HMCN2: variants seen among roughly 807,000 people sequenced by gnomAD.
HMCN2 encodes the protein hemicentin-2.
A neutral mutation model predicts 377.5 loss-of-function variants in HMCN2; 325 were observed. That is an observed-to-expected ratio of 0.86 (90% confidence interval 0.79 to 0.94). HMCN2 has a LOEUF of 0.94. Ranked by LOEUF, HMCN2 falls within the 40% of genes least tolerant of loss-of-function variation. The pLI is 0.00. For missense variants in HMCN2, 4,543 were observed against 4,725.3 expected (o/e 0.96, Z 1.13); for synonymous variants, 2,007 against 2,046.8 (o/e 0.98, Z 0.53).
Position 130,414,377 on chromosome 9 carries a change from G to A in HMCN2, c.12961+3725G>A, listed in dbSNP as rs898752819. Among the ~76,000 whole-genome samples the A allele has an allele frequency of 1.3e-5, 2 of 152,306 alleles. No individual in the cohort carries two copies. Among genetic ancestry groups the A allele is most frequent in the Middle Eastern group, 6.8e-3 (2 of 294 alleles). On this transcript the variant is annotated intron_variant, in intron 85 of 97. Coordinates refer to ENST00000683500, the MANE Select transcript of HMCN2 (RefSeq NM_001291815.2). The surrounding 1 kb of genome is among the most constrained non-coding windows in gnomAD (Gnocchi z 4.4). ...ACCATGGAAGCCTCATAGGGAACCT[G>A]GGCTTCCACGCTGACCTGGCGGAAG...
At chr9:130,363,425 G>C (rs1233425629) in intron 40 of HMCN2, among the ~76,000 whole-genome samples, 1 of 152,102 alleles carries the variant, frequency 6.6e-6, no homozygotes. Flanking sequence ...GGTCACCATG[G>C]GGACTCACTA....
rs559326500 is a variant in HMCN2 at position 130,401,915 on chromosome 9, A to G, written c.11771-874A>G. 3.9e-5 allele frequency among the ~76,000 whole-genome samples: 6 copies of G among 152,132 alleles called. No individual in the cohort carries two copies. In the East Asian group the frequency reaches 1.2e-3, roughly 29 times the overall value. ...ACAGCAAGACCCCATGTCTACAAAC[A>G]CATTTTTAAAAATTAGCTGGGTGCG... On this transcript the variant is annotated intron_variant, in intron 77 of 97. Coordinates refer to ENST00000683500, the MANE Select transcript of HMCN2 (RefSeq NM_001291815.2).
In HMCN2 at chr9:130,339,629, G is replaced by A. The variant is rs1806443281; in HGVS notation, c.3488-1482G>A. Among the ~76,000 whole-genome samples the A allele has an allele frequency of 1.3e-5, 2 of 152,210 alleles. 1 individual carries two copies. Among genetic ancestry groups the A allele is most frequent in the South Asian group, 4.1e-4 (2 of 4,836 alleles). On this transcript the variant is annotated intron_variant, in intron 23 of 97. Transcript: ENST00000683500. ...TTGCTTTCCTCCTCTATAAAGTGAG[G>A]CCACAATAAAGCCCATCCCATTGTG...
chr9:130,295,261 G>A (rs946670009), intron 5 of HMCN2, among the ~76,000 whole-genome samples: 9 of 152,092 alleles, frequency 5.9e-5, no homozygotes, highest in African/African-American at 1.9e-4. Context: ...TCCCTGCATC[G>A]TGAGACTCTC....
chr9:130,402,782 C>T lies in HMCN2; in HGVS notation c.11771-7C>T, dbSNP rs1385700940. 2 of 1,289,374 alleles carry T rather than the reference C, an allele frequency of 1.6e-6. No homozygotes were observed. Among genetic ancestry groups the T allele is most frequent in the East Asian group, 5.6e-5 (1 of 18,016 alleles). 79.9% of individuals were successfully genotyped at this position (1,289,374 alleles called of 1,614,324 possible). ...CCTGATCCCCTCACCCTGATTCCCA[C>T]CAACAGGCGCCCTGGAGATCGGGCA... On this transcript the variant is annotated splice_polypyrimidine_tract_variant and splice_region_variant and intron_variant, in intron 77 of 97. Transcript: ENST00000683500.
chr9:130,312,570 T>C (rs1469567119), intron 15 of HMCN2, among the ~76,000 whole-genome samples: 1 of 79,234 alleles, frequency 1.3e-5, no homozygotes, highest in Non-Finnish European at 2.5e-5. Context: ...CTTTCTTTCT[T>C]TCTTTCTTTC....
chr9:130,423,992 CTTTTT>C lies in HMCN2; in HGVS notation c.13382-783_13382-779del, dbSNP rs930564788. 6.8e-6 allele frequency among the ~76,000 whole-genome samples: 1 copy of C among 147,488 alleles called. No individual in the cohort carries two copies. The highest frequency in any genetic ancestry group is 1.5e-5 in the Non-Finnish European group (1 of 66,750). On this transcript the variant is annotated intron_variant, in intron 87 of 97. Coordinates refer to ENST00000683500, the MANE Select transcript of HMCN2 (RefSeq NM_001291815.2). The surrounding 1 kb of genome is among the most constrained non-coding windows in gnomAD (Gnocchi z 5.5). ...TGCATTTATTTCTTCTTTTTTTTTTCTTTTTGAGACTGCTTCTCGCTTTGTTGCCC... is the reference window on the plus strand; with the variant it reads ...TGCATTTATTTCTTCTTTTTTTTTTCGAGACTGCTTCTCGCTTTGTTGCCC...
intron 22 of HMCN2, among the ~76,000 whole-genome samples, chr9:130,330,508 C>T (rs1456412941): frequency 1.3e-5 from 2 of 152,110 alleles, no homozygotes; most frequent in Non-Finnish European, 1.5e-5. Context: ...GGGCTGGGTC[C>T]CAACATGCAC....
intron 1 of HMCN2, among the ~76,000 whole-genome samples, chr9:130,273,964 A>G (rs1398532031): frequency 1.3e-5 from 2 of 152,198 alleles, no homozygotes; most frequent in African/African-American, 4.8e-5. Context: ...CCAAACAGGG[A>G]TGGGTGTTGA....
At chr9:130,413,608 A>T (rs1013829893) in intron 85 of HMCN2, among the ~76,000 whole-genome samples, 1 of 152,176 alleles carries the variant, frequency 6.6e-6, no homozygotes, top group Non-Finnish European at 1.5e-5. Context: ...TAGACTACCG[A>T]TCTTGGGACC....
chr9:130,312,640 T>TCCTC (rs1219017751), intron 15 of HMCN2, among the ~76,000 whole-genome samples: 3 of 111,616 alleles, frequency 2.7e-5, no homozygotes, highest in South Asian at 3.6e-4. Flanking sequence ...TTCTTTCCCT[T>TCCTC]CCTCCCTCCC....
chr9:130,411,224 AC>A (rs77345844), intron 85 of HMCN2, among the ~76,000 whole-genome samples: 2,635 of 149,806 alleles, frequency 0.018, 80 homozygotes, highest in African/African-American at 0.058. Context: ...AAAAAAAAAA[AC>A]AACAAACTTT....
At chr9:130,388,225 C>T (rs1358333214) in intron 61 of HMCN2, among the ~76,000 whole-genome samples, 184 bp from the exon 62 acceptor site, 2 of 152,198 alleles carry the variant, frequency 1.3e-5, no homozygotes, top group Admixed American at 6.5e-5. Context: ...GGAGACCCCG[C>T]TGGAGCTTTG....
chr9:130,396,796 CA>C (rs1564853412), intron 73 of HMCN2, among the ~76,000 whole-genome samples: 1 of 152,170 alleles, frequency 6.6e-6, no homozygotes, highest in African/African-American at 2.4e-5. Context: ...CAACTGTGGC[CA>C]GGGGCGGGAT....
chr9:130,419,680 C>T (rs1358710252), intron 86 of HMCN2: 1 of 146,270 alleles, frequency 6.8e-6, no homozygotes, highest in African/African-American at 2.8e-5. Context: ...ACCTGGCAGA[C>T]ATCACTAATC....
At chr9:130,392,584 G>A (rs902655898) in intron 66 of HMCN2, among the ~76,000 whole-genome samples, 3 of 152,168 alleles carry the variant, frequency 2.0e-5, no homozygotes, top group African/African-American at 4.8e-5. Flanking sequence ...CATATGGGAC[G>A]TGGAGCTTCC....
At position 130,424,843 on chromosome 9, in the gene HMCN2, G is replaced by A. The variant is rs1844233673; in HGVS notation, c.13449G>A (p.Gly4483=). ...PIYWALARES[G]EALNGHSLTG... ...ACTGGGCCCTGGCCAGAGAGAGTGG[G>A]GAAGCCCTGAATGGCCACTCTCTGA... Residue 4483 remains glycine, a synonymous_variant, in exon 88 of 98, where the codon GGG becomes GGA. Coordinates refer to ENST00000683500, the MANE Select transcript of HMCN2 (RefSeq NM_001291815.2). 3.3e-6 allele frequency: 5 copies of A among 1,503,722 alleles called. No individual in the cohort carries two copies. In the East Asian group the frequency reaches 1.0e-4, roughly 30 times the overall value. The allele number at this position is 1,503,722 out of a possible 1,614,324, so 93.1% of individuals were successfully genotyped here.
At chr9:130,415,879 C>T (rs1358238093) in intron 85 of HMCN2, among the ~76,000 whole-genome samples, 1 of 152,176 alleles carries the variant, frequency 6.6e-6, no homozygotes, top group Non-Finnish European at 1.5e-5. Context: ...TCCCTTTTGG[C>T]TCCTACCAGT....
In HMCN2 at chr9:130,410,565, T is replaced by C. The variant is rs1404628010; in HGVS notation, c.12880-6T>C. 1.9e-6 allele frequency: 3 copies of C among 1,550,340 alleles called. No individual in the cohort carries two copies. Among genetic ancestry groups the C allele is most frequent in the African/African-American group, 2.7e-5 (2 of 73,032 alleles). ...ACCATGCCTCCTCTCCTGTGCCCACTTGCAGAGGGACGATGCGGGACGGTA... is the reference window on the plus strand; with the variant it reads ...ACCATGCCTCCTCTCCTGTGCCCACCTGCAGAGGGACGATGCGGGACGGTA... On this transcript the variant is annotated splice_polypyrimidine_tract_variant and splice_region_variant and intron_variant, in intron 84 of 97. Coordinates refer to ENST00000683500, the MANE Select transcript of HMCN2 (RefSeq NM_001291815.2).
Sources: allele counts gnomAD v4.1 joint callset (sites outside exome capture counted in the v4.1 genomes callset), GRCh38; gene constraint gnomAD v4.1.1; non-coding constraint Gnocchi (gnomAD v3.1); transcripts MANE v1.5; gene names NCBI Gene and HGNC (gene_info 2026-07-23, HGNC 2026-07-21).